Variants in CAMKMT observed in about 807,000 individuals in gnomAD.
CAMKMT encodes calmodulin-lysine N-methyltransferase.
CAMKMT carries 53 observed loss-of-function variants against 48.0 expected under a neutral mutation model. That is an observed-to-expected ratio of 1.10 (90% CI 0.89 to 1.39). The LOEUF (loss-of-function observed/expected upper bound fraction) is 1.39, where lower values mean the gene tolerates loss of function less well. Among genes scored for constraint, CAMKMT ranks in the 40% most tolerant of loss-of-function variants. The pLI is 0.00. For synonymous variants in CAMKMT, 165 were observed against 152.3 expected, an observed-to-expected ratio of 1.08 and a Z score of -0.61; for missense variants, 428 against 402.7, an observed-to-expected ratio of 1.06 and a Z score of -0.54.
At chr2:44,691,166 C>G (rs916951116) in intron 3 of CAMKMT, among the ~76,000 whole-genome samples, 1 of 152,130 alleles carries the variant, frequency 6.6e-6, no homozygotes, top group African/African-American at 2.4e-5. Context: ...GAGGTGCCTT[C>G]CAAGTTCATG....
chr2:44,539,283 C>CAAAAAAA (rs35929999), intron 3 of CAMKMT, among the ~76,000 whole-genome samples: 1 of 117,218 alleles, frequency 8.5e-6, no homozygotes, highest in African/African-American at 3.2e-5. Flanking sequence ...CCAGAAGTCT[C>CAAAAAAA]AAAAAAAAAA....
At chr2:44,452,863 A>G (rs1056794707) in intron 3 of CAMKMT, among the ~76,000 whole-genome samples, 1 of 151,984 alleles carries the variant, frequency 6.6e-6, no homozygotes, top group Non-Finnish European at 1.5e-5. Flanking sequence ...TCCTGCAGCC[A>G]TTATTGGATG....
chr2:44,715,342 A>G lies in CAMKMT; in HGVS notation c.612A>G (p.Lys204=). 2 of 1,612,778 alleles carry G rather than the reference A, an allele frequency of 1.2e-6. No homozygotes were observed. The highest frequency in any genetic ancestry group is 1.7e-6 in the Non-Finnish European group (2 of 1,179,066). ...AGGCTGGTGTGTTTAAGACCCAGAA[A>G]ATATCAAGCTGGTAAGATACCTTTC... The part of the protein sequence containing the change: ...NQKAGVFKTQ[K]ISSCVLRWDN... Residue 204 remains lysine (K), a synonymous_variant, in exon 7 of 11, where the codon AAA becomes AAG. Coordinates refer to ENST00000378494, the MANE Select transcript of CAMKMT (RefSeq NM_024766.5).
intron 3 of CAMKMT, among the ~76,000 whole-genome samples, chr2:44,484,042 C>G (rs1412932165): frequency 6.6e-6 from 1 of 152,120 alleles, no homozygotes; most frequent in Non-Finnish European, 1.5e-5. Context: ...TCTGAAATAC[C>G]TCATAGTGGT....
chr2:44,589,938 A>G (rs929132966), intron 3 of CAMKMT, among the ~76,000 whole-genome samples: 9 of 143,688 alleles, frequency 6.3e-5, no homozygotes, highest in African/African-American at 2.3e-4. Flanking sequence ...TTAATTTCCA[A>G]TAGTTTGTTG....
chr2:44,536,300 T>G (rs886216117), intron 3 of CAMKMT, among the ~76,000 whole-genome samples: 5 of 151,920 alleles, frequency 3.3e-5, no homozygotes, highest in African/African-American at 1.2e-4. Flanking sequence ...ATCTGTAGAT[T>G]CAATGCAGTC....
At chr2:44,532,806 A>G (rs1334823803) in intron 3 of CAMKMT, among the ~76,000 whole-genome samples, 1 of 150,172 alleles carries the variant, frequency 6.7e-6, no homozygotes, top group Non-Finnish European at 1.5e-5. Flanking sequence ...AGGTAACTGT[A>G]TGCCATTAAA....
intron 3 of CAMKMT, among the ~76,000 whole-genome samples, chr2:44,540,894 A>T (rs534765660): frequency 6.6e-6 from 1 of 152,388 alleles, no homozygotes; most frequent in African/African-American, 2.4e-5. Flanking sequence ...ATTCTTATGC[A>T]TGATGTAAGA....
chr2:44,397,671 G>C lies in CAMKMT; in HGVS notation c.376+7366G>C, dbSNP rs187775753. Among the ~76,000 whole-genome samples, 526 of 152,226 alleles carry C rather than the reference G, an allele frequency of 3.5e-3. 2 individuals carry two copies. Among genetic ancestry groups the C allele is most frequent in the Non-Finnish European group, 5.2e-3 (352 of 68,016 alleles). On this transcript the variant is annotated intron_variant, in intron 3 of 10. Transcript: ENST00000378494. ...ACCAGAGAAGGAAAAAGACACATTT[G>C]TTATCAATTACCAGAGAAGGAAAAA...
chr2:44,463,952 A>G (rs897961109), intron 3 of CAMKMT, among the ~76,000 whole-genome samples: 6 of 152,212 alleles, frequency 3.9e-5, no homozygotes, highest in African/African-American at 1.4e-4. Flanking sequence ...AAACAGGGAA[A>G]TCAGTCAAAG....
At position 44,559,042 on chromosome 2, in the gene CAMKMT, A is replaced by G. The variant is rs189220254; in HGVS notation, c.377-145241A>G. 2.1e-4 allele frequency among the ~76,000 whole-genome samples: 32 copies of G among 152,310 alleles called. No homozygotes were observed. In the South Asian group the frequency reaches 5.6e-3, roughly 27 times the overall value. ...ACATTATCTGTCTATCTAACTATCT[A>G]TCTATCATCTATCTAGAATCCAAAA... is the stretch of plus-strand genomic sequence containing the variant. On this transcript the variant is annotated intron_variant, in intron 3 of 10. Coordinates refer to ENST00000378494, the MANE Select transcript of CAMKMT (RefSeq NM_024766.5).
chr2:44,590,666 T>A (rs957221001), intron 3 of CAMKMT, among the ~76,000 whole-genome samples: 7 of 152,246 alleles, frequency 4.6e-5, no homozygotes, highest in Non-Finnish European at 1.0e-4. Flanking sequence ...CTTTGTCAGA[T>A]GAGTAGGTTG....
At chr2:44,706,439 A>T in intron 5 of CAMKMT, 98 bp downstream of exon 5, 1 of 1,185,320 alleles carries the variant, frequency 8.4e-7, no homozygotes, top group Non-Finnish European at 1.3e-6. Flanking sequence ...CGTCAACAGC[A>T]TCAGCTGCGG....
chr2:44,748,624 G>C (rs1220095323), intron 8 of CAMKMT, among the ~76,000 whole-genome samples: 1 of 152,128 alleles, frequency 6.6e-6, no homozygotes, highest in Non-Finnish European at 1.5e-5. Context: ...TGTAGTCCCA[G>C]CACTTTGGGA....
At chr2:44,628,573 G>T (rs182444807) in intron 3 of CAMKMT, among the ~76,000 whole-genome samples, 155 of 150,260 alleles carry the variant, frequency 1.0e-3, no homozygotes, top group South Asian at 1.7e-3. Context: ...TAGATACAAG[G>T]TCTCACTATG....
chr2:44,538,615 T>C lies in CAMKMT; in HGVS notation c.376+148310T>C, dbSNP rs138738016. On this transcript the variant is annotated intron_variant, in intron 3 of 10. Coordinates refer to ENST00000378494, the MANE Select transcript of CAMKMT (RefSeq NM_024766.5). The stretch of plus-strand genomic sequence containing the variant: ...GAGTGATATAATGGACTTCAGGGAC[T>C]CAGGAGGAGAGGTTGGGGTGGGGGT... 1.6e-3 allele frequency among the ~76,000 whole-genome samples: 244 copies of C among 152,098 alleles called. 2 individuals are homozygous for C. Among genetic ancestry groups the C allele is most frequent in the African/African-American group, 5.8e-3 (242 of 41,482 alleles).
intron 3 of CAMKMT, among the ~76,000 whole-genome samples, chr2:44,701,618 G>A (rs1257516985): frequency 6.6e-6 from 1 of 152,134 alleles, no homozygotes; most frequent in Non-Finnish European, 1.5e-5. Context: ...TTGTACTACT[G>A]TTGATGTTAA....
rs1362831877 is a variant in CAMKMT, at chr2:44,657,506, C to G, written c.377-46777C>G. On this transcript the variant is annotated intron_variant, in intron 3 of 10. Transcript: ENST00000378494. This position sits in a 1 kb window ranked among gnomAD's most constrained non-coding sequence, Gnocchi z 4.3. ...CAAGATATTTCTGGCCAAGGTCATG[C>G]CTTCCATGCTTTATGGTATGTAAGT... is the stretch of plus-strand genomic sequence containing the variant. 6.6e-6 allele frequency among the ~76,000 whole-genome samples: 1 copy of G among 152,128 alleles called. No individual in the cohort carries two copies. Among genetic ancestry groups the G allele is most frequent in the African/African-American group, 2.4e-5 (1 of 41,438 alleles).
At chr2:44,723,456 C>T (rs1233831215) in intron 7 of CAMKMT, among the ~76,000 whole-genome samples, 9 of 151,800 alleles carry the variant, frequency 5.9e-5, no homozygotes, top group Middle Eastern at 6.8e-3. Context: ...CCAGGCGTGT[C>T]GGCGGGCACC....
Sources: gnomAD v4.1 joint callset for allele counts (sites outside exome capture counted in the v4.1 genomes callset) on GRCh38, gnomAD v4.1.1 for gene constraint, Gnocchi (gnomAD v3.1) non-coding constraint, MANE v1.5 for transcripts, NCBI Gene and HGNC (gene_info 2026-07-23, HGNC 2026-07-21) for gene names.